The following LPCAT2 variants were observed in gnomAD, a reference collection of about 807,000 sequenced individuals.
LPCAT2 encodes 1-AGP acyltransferase 11.
Under a neutral mutation model 64.7 loss-of-function variants are expected in LPCAT2, and 58 were observed. The ratio of observed to expected loss-of-function variants is 0.90; its 90% CI spans 0.73 to 1.12. The LOEUF (loss-of-function observed/expected upper bound fraction) is 1.12. Among genes scored for constraint, LPCAT2 ranks in the 50% most tolerant of loss-of-function variants. LPCAT2 has a pLI of 0.00. For missense variants in LPCAT2, 579 were observed against 669.8 expected (o/e 0.86, Z 1.50); for synonymous variants, 252 against 245.3 (o/e 1.03, Z -0.26).
chr16:55,575,031 G>GAAGTTT (rs1963812183), intron 12 of LPCAT2, among the ~76,000 whole-genome samples: 1 of 151,834 alleles, frequency 6.6e-6, no homozygotes, highest in Non-Finnish European at 1.5e-5. Context: ...GCCCCAAAGG[G>GAAGTTT]AAGTTTATAA....
At chr16:55,516,744 C>T (rs1309017518) in intron 1 of LPCAT2, among the ~76,000 whole-genome samples, 1 of 152,006 alleles carries the variant, frequency 6.6e-6, no homozygotes, top group Admixed American at 6.6e-5. Context: ...GAGACAGTAT[C>T]ATAAGGAAAT....
intron 11 of LPCAT2, among the ~76,000 whole-genome samples, chr16:55,558,345 C>T (rs1318483902): frequency 6.6e-6 from 1 of 152,236 alleles, no homozygotes; most frequent in Non-Finnish European, 1.5e-5. Context: ...CAAACAGCAT[C>T]ATTGTTCATT....
chr16:55,528,176 A>G (rs190889438), intron 2 of LPCAT2, among the ~76,000 whole-genome samples: 1 of 152,320 alleles, frequency 6.6e-6, no homozygotes, highest in East Asian at 1.9e-4. Flanking sequence ...AAAGAGATTA[A>G]TCTATATATA....
At chr16:55,541,639 G>C (rs1265748960) in intron 8 of LPCAT2, 1 of 237,738 alleles carries the variant, frequency 4.2e-6, no homozygotes, top group East Asian at 1.1e-4. Context: ...GTATTAACTA[G>C]AGTTTTTGTT....
intron 1 of LPCAT2, among the ~76,000 whole-genome samples, chr16:55,523,391 T>G (rs1442467416): frequency 1.3e-5 from 2 of 151,714 alleles, no homozygotes; most frequent in Non-Finnish European, 3.0e-5. Context: ...GAAAACAGTT[T>G]TATAGTATTA....
At position 55,525,601 on chromosome 16, in the gene LPCAT2, G is replaced by T. The variant is rs61744474; in HGVS notation, c.265G>T (p.Val89Leu). 3.6e-3 allele frequency: 5,738 copies of T among 1,612,170 alleles called. 171 individuals are homozygous for T. In the South Asian group the frequency reaches 0.045, roughly 13 times the overall value. The part of the protein sequence containing the change: ...LAWPFAAIST[V>L]CCPEKLTHPI... The stretch of plus-strand genomic sequence containing the variant: ...ATGGCCATTTGCTGCAATTTCAACA[G>T]TATGCTGTCCTGAAAAGCTGACCCA... The change falls in exon 2 of 14, where the codon GTA becomes TTA. Residue 89 changes from valine to leucine, a missense_variant. By Grantham distance (32) the Val-to-Leu change is conservative (BLOSUM62 1). Coordinates refer to ENST00000262134, the MANE Select transcript of LPCAT2 (RefSeq NM_017839.5).
chr16:55,526,817 A>T (rs941729962), intron 2 of LPCAT2, among the ~76,000 whole-genome samples: 1 of 152,196 alleles, frequency 6.6e-6, no homozygotes, highest in African/African-American at 2.4e-5. Flanking sequence ...AATGTTAGAA[A>T]AGAAAGTTTT....
At chr16:55,547,005 G>A (rs1446974992) in intron 9 of LPCAT2, among the ~76,000 whole-genome samples, 2 of 152,172 alleles carry the variant, frequency 1.3e-5, no homozygotes, top group African/African-American at 4.8e-5. Flanking sequence ...AAATTAGCCA[G>A]GCATTATGGC....
chr16:55,558,631 C>T (rs1963602579), intron 11 of LPCAT2, among the ~76,000 whole-genome samples: 1 of 152,178 alleles, frequency 6.6e-6, no homozygotes, highest in Non-Finnish European at 1.5e-5. Context: ...GAAACTTTTT[C>T]TGTAAAGGAC....
At chr16:55,582,890 G>T (rs780934924) in intron 13 of LPCAT2, 24 bp from the exon 14 acceptor site, 2 of 1,518,338 alleles carry the variant, frequency 1.3e-6, no homozygotes, top group Non-Finnish European at 1.8e-6. Flanking sequence ...CCAACTTATT[G>T]GATTTTTTTT....
At chr16:55,523,984 C>T (rs1174486649) in intron 1 of LPCAT2, among the ~76,000 whole-genome samples, 4 of 151,842 alleles carry the variant, frequency 2.6e-5, no homozygotes. Flanking sequence ...AATTCTCCCA[C>T]ATTTCCACTG....
intron 1 of LPCAT2, among the ~76,000 whole-genome samples, chr16:55,518,488 A>G (rs1335970016): frequency 1.3e-5 from 2 of 152,240 alleles, no homozygotes; most frequent in Non-Finnish European, 2.9e-5. Flanking sequence ...CTTGAAAAAT[A>G]AAAACAAAAT....
intron 11 of LPCAT2, among the ~76,000 whole-genome samples, chr16:55,555,790 AG>A (rs1963567565): frequency 6.6e-6 from 1 of 152,188 alleles, no homozygotes. Flanking sequence ...ATGAAGATTT[AG>A]GGGAAGAAAG....
Position 55,545,639 on chromosome 16 carries a change from A to G in LPCAT2, c.853-96A>G, listed in dbSNP as rs538946019. On this transcript the variant is annotated intron_variant, in intron 8 of 13. Coordinates refer to ENST00000262134, the MANE Select transcript of LPCAT2 (RefSeq NM_017839.5). ...TATAACCTATGTTCTAGAAAGGTAG[A>G]TGATTCAATATATTGATAATGTATA... 39 of 769,956 alleles carry G rather than the reference A, an allele frequency of 5.1e-5. 1 individual carries two copies. The South Asian group carries it at 6.6e-4, about 13-fold the overall frequency. The allele number at this position is 769,956 out of a possible 1,614,324, so 47.7% of individuals were successfully genotyped here.
rs1381970275 is a variant in LPCAT2 at position 55,584,481 on chromosome 16, C to G, written c.*1383C>G. 6.6e-6 allele frequency: 1 copy of G among 152,164 alleles called. No homozygotes were observed. The highest frequency in any genetic ancestry group is 1.9e-4 in the East Asian group (1 of 5,192). The allele number at this position is 152,164 out of a possible 1,614,324, so 9.4% of individuals were successfully genotyped here. A position where few individuals can be genotyped will look rare whatever the true frequency, so the allele number is the denominator to read the frequency against. ...TTGAATTGTCATTTTTAATGGGTCT[C>G]ACACATGCATATTGCTAATATCATT... is the stretch of plus-strand genomic sequence containing the variant. On this transcript the variant is annotated 3_prime_UTR_variant, in exon 14 of 14. Transcript: ENST00000262134.
chr16:55,582,553 A>T (rs1420688825), intron 13 of LPCAT2, among the ~76,000 whole-genome samples: 2 of 152,078 alleles, frequency 1.3e-5, no homozygotes, highest in Non-Finnish European at 2.9e-5. Flanking sequence ...GACACAATTT[A>T]TTTATGCATT....
At chr16:55,569,479 T>G (rs1480659335) in intron 11 of LPCAT2, among the ~76,000 whole-genome samples, 3 of 152,228 alleles carry the variant, frequency 2.0e-5, no homozygotes, top group African/African-American at 4.8e-5. Flanking sequence ...TCTTTTAAAT[T>G]CTCAGAATAT....
rs748903664 is a variant in LPCAT2, at chr16:55,509,349, C to G, written c.168C>G (p.Val56=). 11 of 1,435,328 alleles carry G rather than the reference C, an allele frequency of 7.7e-6. No homozygotes were observed. The Admixed American group carries it at 2.7e-4, about 35-fold the overall frequency. The allele number at this position is 1,435,328 out of a possible 1,614,324, so 88.9% of individuals were successfully genotyped here. A position where few individuals can be genotyped will look rare whatever the true frequency, so the allele number is the denominator to read the frequency against. ...CGCAGATCGGCTCCGCGAGGCGGGT[C>G]CAGGTGAGGGGCGTGGGTCTGAGGG... is the stretch of plus-strand genomic sequence containing the variant. ...QQTQIGSARR[V]QIVLLGIILL... is the part of the protein sequence containing the mutation. The change falls in exon 1 of 14, where the codon GTC becomes GTG. Residue 56 remains valine (V), a synonymous_variant. Transcript: ENST00000262134.
At chr16:55,528,268 C>CATATGAAA in intron 2 of LPCAT2, 109 bp from the exon 3 acceptor site, 4 of 770,060 alleles carry the variant, frequency 5.2e-6, no homozygotes, top group Non-Finnish European at 8.4e-6. Flanking sequence ...CTCATATTTT[C>CATATGAAA]ATATGAAATA....
Sources: allele counts gnomAD v4.1 joint callset (sites outside exome capture counted in the v4.1 genomes callset), GRCh38; gene constraint gnomAD v4.1.1; transcripts MANE v1.5; gene names NCBI Gene and HGNC (gene_info 2026-07-23, HGNC 2026-07-21).